Variants in WASF2 observed in about 807,000 individuals in gnomAD.
The protein encoded by WASF2 is WASP family member 2.
Under a neutral mutation model 45.0 loss-of-function variants are expected in WASF2, and 14 were observed. That is an observed-to-expected ratio of 0.31 (90% confidence interval 0.21 to 0.49). The LOEUF (loss-of-function observed/expected upper bound fraction) is 0.49. Ranked by LOEUF, WASF2 falls within the 20% of genes least tolerant of loss-of-function variation. The pLI, the probability that WASF2 is intolerant of heterozygous loss-of-function variation, is 0.99. For synonymous variants in WASF2, 200 were observed against 236.3 expected, an observed-to-expected ratio of 0.85 and a Z score of 1.41; for missense variants, 439 against 636.1, an observed-to-expected ratio of 0.69 and a Z score of 3.33.
intron 1 of WASF2, among the ~76,000 whole-genome samples, chr1:27,457,012 G>T (rs544725327): frequency 3.2e-4 from 49 of 152,032 alleles, no homozygotes; most frequent in African/African-American, 1.1e-3. Flanking sequence ...AAAGTGCTGG[G>T]ATTTACAGGC....
chr1:27,431,844 G>A (rs1316209760), intron 1 of WASF2, among the ~76,000 whole-genome samples: 1 of 152,210 alleles, frequency 6.6e-6, no homozygotes, highest in Non-Finnish European at 1.5e-5. Context: ...GTTTTCTAAA[G>A]CAAATGGCTT....
intron 1 of WASF2, among the ~76,000 whole-genome samples, chr1:27,479,038 G>C (rs749350281): frequency 6.6e-6 from 1 of 152,074 alleles, no homozygotes; most frequent in African/African-American, 2.4e-5. Flanking sequence ...TGTAATCCCA[G>C]AGCTTTGGGA....
chr1:27,408,140 A>T lies in WASF2; in HGVS notation c.*49T>A. The T allele has an allele frequency of 1.3e-6, 2 of 1,589,612 alleles. No homozygotes were observed. Among genetic ancestry groups the T allele is most frequent in the Non-Finnish European group, 1.7e-6 (2 of 1,164,200 alleles). ...GGTCTGTTGGGGTTGGCATCAAAGA[A>T]GGCAGGTAGGAAGGAAAGAAAAAGA... On this transcript the variant is annotated 3_prime_UTR_variant, in exon 9 of 9. Coordinates refer to ENST00000618852, the MANE Select transcript of WASF2 (RefSeq NM_006990.5).
chr1:27,450,789 G>A (rs998235031), intron 1 of WASF2, among the ~76,000 whole-genome samples: 9 of 151,726 alleles, frequency 5.9e-5, no homozygotes, highest in East Asian at 3.9e-4. Context: ...GTGAGCCATC[G>A]CACCCAGCCT....
At chr1:27,444,245 A>C (rs957207365) in intron 1 of WASF2, among the ~76,000 whole-genome samples, 1 of 151,824 alleles carries the variant, frequency 6.6e-6, no homozygotes, top group African/African-American at 2.4e-5. Context: ...ATGCTCAGCT[A>C]ATGTTTTCAC....
At chr1:27,456,145 A>AC (rs995781886) in intron 1 of WASF2, among the ~76,000 whole-genome samples, 1 of 151,594 alleles carries the variant, frequency 6.6e-6, no homozygotes, top group African/African-American at 2.4e-5. Flanking sequence ...ACACAATAAA[A>AC]CCCCATCGCT....
chr1:27,423,970 G>A (rs2016943343), intron 2 of WASF2, among the ~76,000 whole-genome samples: 1 of 152,018 alleles, frequency 6.6e-6, no homozygotes, highest in African/African-American at 2.4e-5. Context: ...TCTCCCGAGT[G>A]GCCACAATAC....
chr1:27,471,074 G>C (rs1180916638), intron 1 of WASF2, among the ~76,000 whole-genome samples: 1 of 152,144 alleles, frequency 6.6e-6, no homozygotes, highest in Non-Finnish European at 1.5e-5. Context: ...GCCGGGCGCG[G>C]TGGCTCACGC....
chr1:27,456,331 A>C (rs1405996213), intron 1 of WASF2, among the ~76,000 whole-genome samples: 1 of 151,674 alleles, frequency 6.6e-6, no homozygotes, highest in African/African-American at 2.4e-5. Context: ...AAAAAAAAAA[A>C]AAAAAAACAA....
intron 1 of WASF2, among the ~76,000 whole-genome samples, chr1:27,467,163 G>C (rs578171744): frequency 6.8e-6 from 1 of 146,020 alleles, no homozygotes; most frequent in East Asian, 2.0e-4. Context: ...GCAGTGAGTC[G>C]AGATAATGCC....
intron 1 of WASF2, among the ~76,000 whole-genome samples, chr1:27,481,702 C>T (rs942271219): frequency 4.7e-5 from 7 of 150,084 alleles, no homozygotes; most frequent in Non-Finnish European, 7.4e-5. Context: ...CCAGCCTGGG[C>T]GACAGAGCAA....
chr1:27,411,163 C>A (rs1425361852), intron 7 of WASF2, among the ~76,000 whole-genome samples: 1 of 152,196 alleles, frequency 6.6e-6, no homozygotes, highest in Non-Finnish European at 1.5e-5. Context: ...AGCTTTAGGT[C>A]TCCATCCGAG....
chr1:27,420,513 GCTT>G (rs1553148580), intron 2 of WASF2, among the ~76,000 whole-genome samples: 2 of 94,988 alleles, frequency 2.1e-5, no homozygotes, highest in African/African-American at 7.0e-5. Context: ...TACCATCTGA[GCTT>G]TTTTTTTTTT....
At chr1:27,443,649 T>C (rs944161943) in intron 1 of WASF2, among the ~76,000 whole-genome samples, 3 of 152,008 alleles carry the variant, frequency 2.0e-5, no homozygotes, top group Admixed American at 6.6e-5. Flanking sequence ...GCTTGGTAAA[T>C]CCAGAAGAAT....
intron 1 of WASF2, among the ~76,000 whole-genome samples, chr1:27,444,441 AC>A (rs1283027853): frequency 6.6e-6 from 1 of 152,214 alleles, no homozygotes; most frequent in Admixed American, 6.5e-5. Context: ...GGTACCCAGC[AC>A]CCAGTAGGTA....
intron 2 of WASF2, 136 bp from the exon 3 acceptor site, chr1:27,419,224 C>A: frequency 1.1e-6 from 1 of 901,060 alleles, no homozygotes; most frequent in East Asian, 2.6e-5. Flanking sequence ...ACGGTTTGGG[C>A]TATATGCAGA....
intron 4 of WASF2, 118 bp downstream of exon 4, chr1:27,418,150 TG>T: frequency 1.7e-6 from 2 of 1,173,558 alleles, no homozygotes; most frequent in Admixed American, 3.2e-5. Context: ...ACCACAACTT[TG>T]GGGTAGGCAG....
intron 1 of WASF2, among the ~76,000 whole-genome samples, chr1:27,465,873 C>T (rs1571156837): frequency 6.6e-6 from 1 of 152,128 alleles, no homozygotes. Context: ...AACACATTAT[C>T]GTGCTAGAAA....
chr1:27,489,742 A>C (rs1316388299), intron 1 of WASF2, among the ~76,000 whole-genome samples: 2 of 152,136 alleles, frequency 1.3e-5, no homozygotes, highest in African/African-American at 4.8e-5. Context: ...CGGGACACTC[A>C]TAGTCCCTCA....
Sources: allele counts gnomAD v4.1 joint callset (sites outside exome capture counted in the v4.1 genomes callset), GRCh38; gene constraint gnomAD v4.1.1; transcripts MANE v1.5; gene names NCBI Gene and HGNC (gene_info 2026-07-23, HGNC 2026-07-21).